LY75: variants seen among roughly 807,000 people sequenced by gnomAD.
LY75 encodes lymphocyte antigen 75, also known as C-type lectin domain family 13 member B.
A neutral mutation model predicts 231.7 loss-of-function variants in LY75; 185 were observed. The ratio of observed to expected loss-of-function variants is 0.80; its 90% confidence interval spans 0.71 to 0.90. The LOEUF is 0.90. LY75 is among the 40% of genes least tolerant of loss of function. LY75 has a pLI of 0.00. For synonymous variants in LY75, 668 were observed against 689.0 expected (o/e 0.97, Z 0.48); for missense variants, 1,947 against 2,050.2 (o/e 0.95, Z 0.97).
At chr2:159,817,213 C>T (rs1242653123) in intron 29 of LY75, among the ~76,000 whole-genome samples, 181 bp from the exon 30 acceptor site, 1 of 152,080 alleles carries the variant, frequency 6.6e-6, no homozygotes. Flanking sequence ...TCTTAAAGTT[C>T]TCTGATTGAT....
At chr2:159,887,566 C>CAACA (rs1158568219) in intron 4 of LY75, among the ~76,000 whole-genome samples, 11 of 103,834 alleles carry the variant, frequency 1.1e-4, no homozygotes, top group Admixed American at 2.9e-4. Context: ...TCAACAACAA[C>CAACA]AAAAAAAAAA....
chr2:159,889,364 G>A (rs1296137030), intron 4 of LY75, among the ~76,000 whole-genome samples: 2 of 152,084 alleles, frequency 1.3e-5, no homozygotes, highest in African/African-American at 4.8e-5. Context: ...GAGCAGCTGG[G>A]ACTACAGGCA....
chr2:159,857,664 C>A (rs1212850142), intron 16 of LY75, among the ~76,000 whole-genome samples: 2 of 152,224 alleles, frequency 1.3e-5, no homozygotes, highest in East Asian at 3.9e-4. Context: ...ATCACTTGAA[C>A]CTGGGAGGCA....
Position 159,853,623 on chromosome 2 carries a change from C to A in LY75, c.2663+7G>T. 2 of 1,613,292 alleles carry A rather than the reference C, an allele frequency of 1.2e-6. No individual in the cohort carries two copies. The highest frequency in any genetic ancestry group is 1.7e-6 in the Non-Finnish European group (2 of 1,179,756). ...TTTACAAAGGTAGAATCAATGATGT[C>A]ACCTACTATGTAAAATGATCATCTA... On this transcript the variant is annotated splice_region_variant and intron_variant, in intron 19 of 34. Transcript: ENST00000263636.
At chr2:159,878,554 A>T (rs960766706) in intron 10 of LY75, 61 bp from the exon 11 acceptor site, 2 of 1,611,784 alleles carry the variant, frequency 1.2e-6, no homozygotes, top group African/African-American at 2.7e-5. Context: ...TTGAAGATGC[A>T]CCTTTTACTT....
intron 16 of LY75, among the ~76,000 whole-genome samples, chr2:159,857,948 C>T (rs747239505): frequency 1.3e-5 from 2 of 152,088 alleles, no homozygotes; most frequent in Non-Finnish European, 2.9e-5. Flanking sequence ...AAAATTGCTT[C>T]TAAATTTTAC....
chr2:159,869,098 A>G (rs541715040), intron 13 of LY75, among the ~76,000 whole-genome samples: 2 of 152,274 alleles, frequency 1.3e-5, no homozygotes, highest in African/African-American at 4.8e-5. Flanking sequence ...GAATTGAACA[A>G]TGAGAACACT....
In LY75 at chr2:159,853,749, G is replaced by T. The variant is rs769572917; in HGVS notation, c.2596-52C>A. ...TTATATGTGCTGAGCTTTCTTGAGGGTTTTGATTCGAATACATTGTCTTAC... is the reference window on the plus strand; with the variant it reads ...TTATATGTGCTGAGCTTTCTTGAGGTTTTTGATTCGAATACATTGTCTTAC... On this transcript the variant is annotated intron_variant, in intron 18 of 34. Transcript: ENST00000263636. 3 of 1,608,440 alleles carry T rather than the reference G, an allele frequency of 1.9e-6. No individual in the cohort carries two copies. The East Asian group carries it at 6.7e-5, about 36-fold the overall frequency.
chr2:159,852,361 A>AT, intron 20 of LY75, 21 bp from the exon 21 acceptor site: 1 of 1,601,876 alleles, frequency 6.2e-7, no homozygotes, highest in Middle Eastern at 1.7e-4. Flanking sequence ...AAAAGCCAGG[A>AT]TTACTATGGT....
chr2:159,824,609 T>C (rs1224924979), intron 28 of LY75, among the ~76,000 whole-genome samples: 1 of 152,174 alleles, frequency 6.6e-6, no homozygotes, highest in Admixed American at 6.5e-5. Context: ...CTGGACCAAG[T>C]GGACCTAATA....
chr2:159,811,247 T>A (rs958873825), intron 31 of LY75, among the ~76,000 whole-genome samples: 2 of 152,130 alleles, frequency 1.3e-5, no homozygotes, highest in African/African-American at 4.8e-5. Context: ...AACTATTTTT[T>A]AAAAATAGCT....
chr2:159,842,381 A>G lies in LY75; in HGVS notation c.3151-7T>C. On this transcript the variant is annotated splice_polypyrimidine_tract_variant and splice_region_variant and intron_variant, in intron 23 of 34. Transcript: ENST00000263636. ...GAGACTCTTCCTCAAAAAACTAAAC[A>G]AAAAGGCAAATACATACATGCAATC... 1 of 1,605,586 alleles carries G rather than the reference A, an allele frequency of 6.2e-7. No homozygotes were observed. The highest frequency in any genetic ancestry group is 1.3e-5 in the African/African-American group (1 of 74,210).
intron 15 of LY75, among the ~76,000 whole-genome samples, chr2:159,859,875 CCAT>C (rs1175611074): frequency 6.6e-6 from 1 of 152,132 alleles, no homozygotes; most frequent in Non-Finnish European, 1.5e-5. Flanking sequence ...GTTAGCTGCT[CCAT>C]CATCATCATC....
At position 159,886,133 on chromosome 2, in the gene LY75, T is replaced by C. The variant is rs138859511; in HGVS notation, c.913+287A>G. On this transcript the variant is annotated intron_variant, in intron 5 of 34. Transcript: ENST00000263636. Reference sequence around the variant, plus strand: ...AGACATGCCAAGTCCTTTAGGGACATAGAATGGCTCCTGGGCCATGTGGTG... The same window carrying C: ...AGACATGCCAAGTCCTTTAGGGACACAGAATGGCTCCTGGGCCATGTGGTG... Among the ~76,000 whole-genome samples, 17 of 152,262 alleles carry C rather than the reference T, an allele frequency of 1.1e-4. No individual in the cohort carries two copies. The East Asian group carries it at 2.5e-3, about 22-fold the overall frequency.
intron 12 of LY75, among the ~76,000 whole-genome samples, chr2:159,874,668 A>AG (rs1685179136): frequency 9.2e-6 from 1 of 109,172 alleles, no homozygotes; most frequent in Non-Finnish European, 1.8e-5. Flanking sequence ...ATATATATAT[A>AG]TTTTGTAAAT....
intron 13 of LY75, among the ~76,000 whole-genome samples, chr2:159,870,732 G>A (rs988355084): frequency 6.7e-6 from 1 of 148,728 alleles, no homozygotes; most frequent in Non-Finnish European, 1.5e-5. Context: ...GGCTGGTCTC[G>A]AACTCCTGGT....
chr2:159,875,883 T>C (rs1359756125), intron 11 of LY75, among the ~76,000 whole-genome samples: 1 of 152,146 alleles, frequency 6.6e-6, no homozygotes, highest in African/African-American at 2.4e-5. Context: ...TTGTCATAAT[T>C]TGAGGTACAG....
chr2:159,840,939 C>A lies in LY75; in HGVS notation c.3297G>T (p.Gln1099His). Residue 1099 changes from glutamine (Q) to histidine (H), a missense_variant, in exon 25 of 35, where the codon CAG (glutamine) becomes CAT (histidine). Coordinates refer to ENST00000263636, the MANE Select transcript of LY75 (RefSeq NM_002349.4). ...CAGTTTCTGAAGCATTCTGCAACGT[C>A]TGTCTGCTTTTAACTTCTGCATGTA... ...CQKYSEVKSR[Q>H]TLQNASETVK... The A allele has an allele frequency of 6.2e-7, 1 of 1,613,810 alleles. No homozygotes were observed. The highest frequency in any genetic ancestry group is 1.1e-5 in the South Asian group (1 of 91,064).
At chr2:159,899,261 G>C (rs1686001359) in intron 1 of LY75, among the ~76,000 whole-genome samples, 1 of 152,170 alleles carries the variant, frequency 6.6e-6, no homozygotes. Flanking sequence ...ACGGGCTCTG[G>C]AGCCAGTCCG....
Sources: gnomAD v4.1 joint callset for allele counts (sites outside exome capture counted in the v4.1 genomes callset) on GRCh38, gnomAD v4.1.1 for gene constraint, MANE v1.5 for transcripts, NCBI Gene and HGNC (gene_info 2026-07-23, HGNC 2026-07-21) for gene names.